Variants in MDFIC observed in about 807,000 individuals in gnomAD.
MDFIC encodes the protein myoD family inhibitor domain-containing protein.
In MDFIC, 17 loss-of-function variants were observed where a neutral mutation model predicts 23.2. The ratio of observed to expected loss-of-function variants is 0.73; its 90% CI spans 0.50 to 1.10. The LOEUF is 1.10. MDFIC is among the 50% of genes least tolerant of loss of function. The pLI is 0.00. For missense variants in MDFIC, 356 were observed against 316.6 expected, an observed-to-expected ratio of 1.12 and a Z score of -0.95; for synonymous variants, 120 against 115.2, an observed-to-expected ratio of 1.04 and a Z score of -0.27.
chr7:114,953,045 G>GTAGATTT (rs1792809554), intron 3 of MDFIC, among the ~76,000 whole-genome samples: 1 of 152,020 alleles, frequency 6.6e-6, no homozygotes, highest in African/African-American at 2.4e-5. Context: ...CCCATATTCA[G>GTAGATTT]TAGATTTTTA....
intron 3 of MDFIC, among the ~76,000 whole-genome samples, chr7:114,971,492 G>T (rs1219043744): frequency 6.6e-6 from 1 of 152,144 alleles, no homozygotes; most frequent in Admixed American, 6.6e-5. Flanking sequence ...AAAGCGTTCT[G>T]CATCTATCTA....
chr7:114,995,858 A>G (rs1791315647), intron 4 of MDFIC, among the ~76,000 whole-genome samples: 1 of 152,072 alleles, frequency 6.6e-6, no homozygotes, highest in Non-Finnish European at 1.5e-5. Flanking sequence ...GAGAACCACT[A>G]CTTCAAAGCT....
intron 2 of MDFIC, among the ~76,000 whole-genome samples, chr7:114,928,141 T>G (rs961089623): frequency 2.1e-4 from 32 of 152,300 alleles, no homozygotes; most frequent in Admixed American, 1.6e-3. Flanking sequence ...GTGGAGGGCT[T>G]ATCAGCTGGG....
At chr7:114,950,246 A>T (rs767365937) in intron 3 of MDFIC, among the ~76,000 whole-genome samples, 4 of 152,152 alleles carry the variant, frequency 2.6e-5, no homozygotes, top group Non-Finnish European at 4.4e-5. Context: ...TGGGGTAATG[A>T]CAGGTAGGAT....
intron 3 of MDFIC, among the ~76,000 whole-genome samples, chr7:114,969,517 C>A (rs1338545657): frequency 6.6e-6 from 1 of 152,084 alleles, no homozygotes; most frequent in African/African-American, 2.4e-5. Flanking sequence ...CAGCAAATGC[C>A]CAGTATTGTC....
At chr7:114,989,389 C>T (rs1793566340) in intron 4 of MDFIC, among the ~76,000 whole-genome samples, 2 of 151,826 alleles carry the variant, frequency 1.3e-5, no homozygotes, top group African/African-American at 4.8e-5. Flanking sequence ...CTAGAAAGGC[C>T]AAAATTCAGG....
chr7:115,012,057 G>C (rs1288244981), intron 4 of MDFIC, among the ~76,000 whole-genome samples: 2 of 152,178 alleles, frequency 1.3e-5, no homozygotes, highest in African/African-American at 4.8e-5. Flanking sequence ...TATCAAACAA[G>C]ATTTAATTTG....
At chr7:114,970,826 C>T (rs980444173) in intron 3 of MDFIC, among the ~76,000 whole-genome samples, 4 of 152,138 alleles carry the variant, frequency 2.6e-5, no homozygotes, top group African/African-American at 9.7e-5. Context: ...GGTCTCAGAT[C>T]CCTGGCTACC....
intron 4 of MDFIC, chr7:115,013,900 AC>A: frequency 1.4e-6 from 1 of 727,556 alleles, no homozygotes; most frequent in Non-Finnish European, 1.7e-6. Flanking sequence ...ATGATTGGTT[AC>A]TACCAGAAAT....
chr7:114,984,327 A>T (rs910383605), intron 4 of MDFIC, among the ~76,000 whole-genome samples: 2 of 152,112 alleles, frequency 1.3e-5, no homozygotes, highest in Non-Finnish European at 2.9e-5. Flanking sequence ...AATCTAAGTC[A>T]ATTTTTTTTT....
At chr7:114,924,619 G>A (rs1792155299) in intron 2 of MDFIC, among the ~76,000 whole-genome samples, 1 of 152,138 alleles carries the variant, frequency 6.6e-6, no homozygotes, top group Admixed American at 6.6e-5. Flanking sequence ...CGTTATCAGT[G>A]TAGAAACTCT....
rs1791858512 is a variant in MDFIC, at chr7:115,019,405, C to A, written c.*3470C>A. On this transcript the variant is annotated 3_prime_UTR_variant, in exon 5 of 5. Transcript: ENST00000393486. ...GCAGTTCAAGGAGTAACCAAGGCAA[C>A]CTTATGTAATAACTTTCCATTCTTT... Among the ~76,000 whole-genome samples, 2 of 152,108 alleles carry A rather than the reference C, an allele frequency of 1.3e-5. No homozygotes were observed. The highest frequency in any genetic ancestry group is 2.1e-4 in the South Asian group (1 of 4,814).
intron 3 of MDFIC, among the ~76,000 whole-genome samples, chr7:114,972,818 A>G (rs1490655795): frequency 3.3e-5 from 5 of 151,768 alleles, no homozygotes; most frequent in Admixed American, 2.0e-4. Context: ...GAGTTTCACT[A>G]TGTTGCTCTG....
chr7:114,965,767 G>A (rs1006559644), intron 3 of MDFIC, among the ~76,000 whole-genome samples: 1 of 152,076 alleles, frequency 6.6e-6, no homozygotes, highest in African/African-American at 2.4e-5. Context: ...AAAGTTTATT[G>A]TATGAGAATA....
chr7:115,014,277 G>A (rs1791746543), intron 4 of MDFIC: 8 of 985,424 alleles, frequency 8.1e-6, no homozygotes, highest in Non-Finnish European at 9.6e-6. Flanking sequence ...GACTGCCGTA[G>A]GTACCCTGGT....
At position 115,016,252 on chromosome 7, in the gene MDFIC, A is replaced by G. The variant is rs1585126190; in HGVS notation, c.*317A>G. ...ATTTCTGTTTCTTTTAACCGTTCTCAGGAGCACTTTGCTCCAAATATATTA... is the reference window on the plus strand; with the variant it reads ...ATTTCTGTTTCTTTTAACCGTTCTCGGGAGCACTTTGCTCCAAATATATTA... On this transcript the variant is annotated 3_prime_UTR_variant, in exon 5 of 5. Coordinates refer to ENST00000393486, the MANE Select transcript of MDFIC (RefSeq NM_001166345.3). 1.8e-5 allele frequency: 5 copies of G among 284,374 alleles called. No individual in the cohort carries two copies. The South Asian group carries it at 2.1e-4, about 12-fold the overall frequency. The allele number at this position is 284,374 out of a possible 1,614,324, so 17.6% of individuals were successfully genotyped here. A position where few individuals can be genotyped will look rare whatever the true frequency, so the allele number is the denominator to read the frequency against.
chr7:114,944,317 G>A (rs370512320), intron 3 of MDFIC, among the ~76,000 whole-genome samples: 194 of 152,290 alleles, frequency 1.3e-3, no homozygotes, highest in African/African-American at 4.3e-3. Context: ...AGATAGCAAT[G>A]CCACTCCTGC....
chr7:114,947,465 A>G (rs2115790875), intron 3 of MDFIC, among the ~76,000 whole-genome samples: 1 of 152,278 alleles, frequency 6.6e-6, no homozygotes, highest in Non-Finnish European at 1.5e-5. Flanking sequence ...TGGGTGGATA[A>G]TCCTAAGTCA....
chr7:114,927,930 G>C (rs1183657438), intron 2 of MDFIC, among the ~76,000 whole-genome samples: 1 of 152,136 alleles, frequency 6.6e-6, no homozygotes, highest in Admixed American at 6.5e-5. Context: ...AAATTAAACT[G>C]AATAGAAATT....
Sources: allele counts gnomAD v4.1 joint callset (sites outside exome capture counted in the v4.1 genomes callset), GRCh38; gene constraint gnomAD v4.1.1; transcripts MANE v1.5; gene names NCBI Gene and HGNC (gene_info 2026-07-23, HGNC 2026-07-21).